The following MPHOSPH9 variants were observed in gnomAD, a reference collection of about 807,000 sequenced individuals.
MPHOSPH9 encodes M-phase phosphoprotein 9.
A neutral mutation model predicts 145.5 loss-of-function variants in MPHOSPH9; 88 were observed. That is an observed-to-expected ratio of 0.60 (90% CI 0.51 to 0.72). The LOEUF is 0.72. Among genes scored for constraint, MPHOSPH9 ranks in the 30% least tolerant of loss-of-function variants. The pLI is 0.00. For synonymous variants in MPHOSPH9, 435 were observed against 486.2 expected, an observed-to-expected ratio of 0.89 and a Z score of 1.39; for missense variants, 1,238 against 1,386.6, an observed-to-expected ratio of 0.89 and a Z score of 1.70.
chr12:123,194,932 T>C (rs1161325857), intron 12 of MPHOSPH9, among the ~76,000 whole-genome samples: 2 of 152,068 alleles, frequency 1.3e-5, no homozygotes, highest in Non-Finnish European at 2.9e-5. Context: ...CAAAATTTAT[T>C]TTAAATGAAA....
chr12:123,203,520 G>A, intron 8 of MPHOSPH9, 145 bp from the exon 9 acceptor site: 1 of 743,250 alleles, frequency 1.3e-6, no homozygotes, highest in South Asian at 2.0e-5. Context: ...AAGCTTGGAA[G>A]TCATTACCTA....
rs56315722 is a variant in MPHOSPH9, at chr12:123,156,323, T to G, written c.*484A>C. 1,757 of 152,580 alleles carry G rather than the reference T, an allele frequency of 0.012. 18 individuals are homozygous for G. The highest frequency in any genetic ancestry group is 0.02 in the Non-Finnish European group (1,329 of 68,118). 9.5% of individuals were successfully genotyped at this position (152,580 alleles called of 1,614,324 possible). The stretch of plus-strand genomic sequence containing the variant: ...TTCAAATACGAATTGCATTATCATT[T>G]TTTAAAAACCTCAACACAACTGAAA... On this transcript the variant is annotated 3_prime_UTR_variant, in exon 24 of 24. Coordinates refer to ENST00000606320, the MANE Select transcript of MPHOSPH9 (RefSeq NM_022782.4).
chr12:123,227,642 G>C, intron 2 of MPHOSPH9, 26 bp from the exon 3 acceptor site: 1 of 1,479,368 alleles, frequency 6.8e-7, no homozygotes, highest in Non-Finnish European at 9.0e-7. Flanking sequence ...TAATTCAAAT[G>C]GTTTTCTTCA....
chr12:123,207,116 A>T (rs867584228), intron 8 of MPHOSPH9, among the ~76,000 whole-genome samples: 1 of 150,364 alleles, frequency 6.7e-6, no homozygotes, highest in African/African-American at 2.4e-5. Context: ...GACTCTTTCC[A>T]TAAGAATAAA....
rs776417270 is a variant in MPHOSPH9, at chr12:123,221,646, C to T, written c.598G>A (p.Gly200Ser). The T allele has an allele frequency of 1.9e-6, 3 of 1,614,138 alleles. No individual in the cohort carries two copies. The highest frequency in any genetic ancestry group is 2.5e-6 in the Non-Finnish European group (3 of 1,180,018). ...VDSCSVSSGY[G>S]TFCISELNLY... ...TTTAATTCTGAGATACAAAAGGTGC[C>T]ATATCCACTGCTTACTGAGCAACTA... Residue 200 changes from glycine (G) to serine (S), a missense_variant, in exon 5 of 24, where the codon GGC (glycine) becomes AGC (serine). Gly to Ser is a moderately conservative substitution (Grantham distance 56, BLOSUM62 0). This residue lies in a region of MPHOSPH9 where 837 missense variants were observed against 897.5 expected (regional missense o/e 0.93). Transcript: ENST00000606320.
intron 2 of MPHOSPH9, among the ~76,000 whole-genome samples, chr12:123,228,753 G>A (rs903241827): frequency 3.9e-5 from 6 of 152,284 alleles, no homozygotes; most frequent in Middle Eastern, 3.4e-3. Flanking sequence ...TAATAATCAA[G>A]TTTAAATGTG....
At chr12:123,203,639 A>G (rs1227297909) in intron 8 of MPHOSPH9, among the ~76,000 whole-genome samples, 1 of 152,158 alleles carries the variant, frequency 6.6e-6, no homozygotes, top group Non-Finnish European at 1.5e-5. Flanking sequence ...GAATACTTCC[A>G]AATAATGAAA....
intron 17 of MPHOSPH9, among the ~76,000 whole-genome samples, chr12:123,166,185 A>T (rs1328835361): frequency 6.6e-6 from 1 of 152,212 alleles, no homozygotes; most frequent in Non-Finnish European, 1.5e-5. Context: ...AGCTCACTGT[A>T]GCCTTGAGCT....
intron 7 of MPHOSPH9, among the ~76,000 whole-genome samples, chr12:123,212,859 T>C (rs2138491285): frequency 6.7e-6 from 1 of 148,766 alleles, no homozygotes; most frequent in Non-Finnish European, 1.5e-5. Context: ...ACCATTCTGT[T>C]ATTCTTTTTT....
chr12:123,179,357 T>C (rs2045019310), intron 15 of MPHOSPH9, among the ~76,000 whole-genome samples: 1 of 152,180 alleles, frequency 6.6e-6, no homozygotes, highest in African/African-American at 2.4e-5. Context: ...GCGGATCACT[T>C]GAGGTCAGGA....
chr12:123,217,449 G>A (rs549656603), intron 6 of MPHOSPH9, among the ~76,000 whole-genome samples: 4 of 151,854 alleles, frequency 2.6e-5, no homozygotes, highest in South Asian at 2.1e-4. Context: ...TGCCCACCCC[G>A]GCCTCCCAAA....
rs562698254 is a variant in MPHOSPH9, at chr12:123,230,286, G to A, written c.79C>T (p.Leu27Phe). ...CTATCAGTATTTAAGTTCAGTCCAA[G>A]AGAATGAAGAGAATTTTCATCAGAT... is the stretch of plus-strand genomic sequence containing the variant. ...VGSDENSLHS[L>F]GLNLNTDRSS... The change falls in exon 2 of 24, where the codon CTT becomes TTT. Residue 27 changes from leucine to phenylalanine, a missense_variant. Physicochemically the swap from Leu to Phe is conservative, Grantham distance 22 (BLOSUM62 0). This residue lies in a region of MPHOSPH9 where 837 missense variants were observed against 897.5 expected (regional missense o/e 0.93). Coordinates refer to ENST00000606320, the MANE Select transcript of MPHOSPH9 (RefSeq NM_022782.4). The A allele has an allele frequency of 1.3e-6, 2 of 1,529,478 alleles. No individual in the cohort carries two copies. The highest frequency in any genetic ancestry group is 1.8e-6 in the Non-Finnish European group (2 of 1,141,796). 94.7% of individuals were successfully genotyped at this position (1,529,478 alleles called of 1,614,324 possible).
In MPHOSPH9 at chr12:123,221,767, G is replaced by C; in HGVS notation, c.477C>G (p.Ser159Arg). ...SESQMGFFSL[S>R]SERNESVIHY... Reference sequence around the variant, plus strand: ...GGATAACAGATTCATTTCTCTCACTGCTTAGAGAAAAAAAACCCATTTGAC... The same window carrying C: ...GGATAACAGATTCATTTCTCTCACTCCTTAGAGAAAAAAAACCCATTTGAC... The change falls in exon 5 of 24, where the codon AGC (serine) becomes AGG (arginine). Residue 159 changes from serine to arginine, a missense_variant. Transcript: ENST00000606320. 1 of 1,613,906 alleles carries C rather than the reference G, an allele frequency of 6.2e-7. No homozygotes were observed. The highest frequency in any genetic ancestry group is 8.5e-7 in the Non-Finnish European group (1 of 1,179,978).
intron 17 of MPHOSPH9, chr12:123,166,386 G>A (rs1469072841): frequency 4.8e-6 from 2 of 415,234 alleles, no homozygotes; most frequent in Non-Finnish European, 8.5e-6. Flanking sequence ...GATTACAGGC[G>A]TGAGCCACCA....
chr12:123,191,773 C>T (rs1299071317), intron 13 of MPHOSPH9, among the ~76,000 whole-genome samples: 6 of 152,148 alleles, frequency 3.9e-5, no homozygotes, highest in South Asian at 4.1e-4. Context: ...CAAAAGGACA[C>T]GGGACCAGTC....
chr12:123,187,845 G>A (rs888772432), intron 13 of MPHOSPH9, among the ~76,000 whole-genome samples: 3 of 152,272 alleles, frequency 2.0e-5, no homozygotes, highest in African/African-American at 7.2e-5. Flanking sequence ...GTAATTCTGG[G>A]CTGGGCGCCG....
chr12:123,182,822 G>C (rs1365872993), intron 13 of MPHOSPH9, among the ~76,000 whole-genome samples: 1 of 151,878 alleles, frequency 6.6e-6, no homozygotes, highest in Non-Finnish European at 1.5e-5. Context: ...GCTGAGGTGG[G>C]AGAACTGCTT....
intron 14 of MPHOSPH9, 76 bp downstream of exon 14, chr12:123,181,085 AAG>A: frequency 1.5e-6 from 2 of 1,320,164 alleles, no homozygotes; most frequent in Non-Finnish European, 2.2e-6. Context: ...CAAGGAGGAG[AAG>A]AGTCAGATCC....
At chr12:123,238,821 C>G (rs937004073) in intron 1 of MPHOSPH9, among the ~76,000 whole-genome samples, 3 of 152,088 alleles carry the variant, frequency 2.0e-5, no homozygotes, top group African/African-American at 7.2e-5. Flanking sequence ...GCTTTTGCCA[C>G]TATGTGGACC....
Sources: allele counts gnomAD v4.1 joint callset (sites outside exome capture counted in the v4.1 genomes callset), GRCh38; gene constraint gnomAD v4.1.1; regional missense constraint gnomAD v4.1.1; transcripts MANE v1.5; gene names NCBI Gene and HGNC (gene_info 2026-07-23, HGNC 2026-07-21).